Variants in RFC2 observed in about 807,000 individuals in gnomAD.
RFC2 encodes A1 40 kDa subunit.
RFC2 carries 34 observed loss-of-function variants against 44.8 expected under a neutral mutation model. The observed-to-expected ratio is 0.76, with a 90% confidence interval of 0.58 to 1.01. The LOEUF is 1.01. Among genes scored for constraint, RFC2 ranks in the 50% least tolerant of loss-of-function variants. The pLI is 0.00. For missense variants in RFC2, 400 were observed against 453.6 expected (o/e 0.88, Z 1.07); for synonymous variants, 177 against 168.9 (o/e 1.05, Z -0.37).
At chr7:74,248,750 C>T (rs1803765055) in intron 4 of RFC2, among the ~76,000 whole-genome samples, 2 of 152,084 alleles carry the variant, frequency 1.3e-5, no homozygotes, top group Admixed American at 1.3e-4. Context: ...GATCTACCTG[C>T]CTCGGCCTCC....
At chr7:74,246,878 G>GT in intron 4 of RFC2, 115 bp from the exon 5 acceptor site, 2 of 521,996 alleles carry the variant, frequency 3.8e-6, no homozygotes, top group Non-Finnish European at 3.4e-6. Context: ...CCATTTTTGA[G>GT]TTTTTTTGGG....
chr7:74,254,374 C>G lies in RFC2; in HGVS notation c.10G>C (p.Glu4Gln). 6.2e-7 allele frequency: 1 copy of G among 1,601,802 alleles called. No individual in the cohort carries two copies. The highest frequency in any genetic ancestry group is 8.5e-7 in the Non-Finnish European group (1 of 1,173,080). The change falls in exon 1 of 11, where the codon GAG becomes CAG. Residue 4 changes from glutamate to glutamine, a missense_variant. Transcript: ENST00000055077. ...TCGCCCGCGCCACCACAGACGGCCT[C>G]CACCTCCATTCTCGCGCCTCCTCTT... The part of the protein sequence containing the change: MEV[E>Q]AVCGGAGEVE...
intron 4 of RFC2, among the ~76,000 whole-genome samples, chr7:74,246,994 C>T (rs7783190): frequency 0.053 from 6,553 of 124,734 alleles, 493 homozygotes; most frequent in African/African-American, 0.18. Context: ...TTTTTTTCTT[C>T]AGACAGGGTC....
Position 74,246,692 on chromosome 7 carries a change from T to A in RFC2, c.404A>T (p.His135Leu), listed in dbSNP as rs1554720082. 6.2e-7 allele frequency: 1 copy of A among 1,611,836 alleles called. No homozygotes were observed. The highest frequency in any genetic ancestry group is 8.5e-7 in the Non-Finnish European group (1 of 1,178,596). Residue 135 changes from histidine (H) to leucine (L), a missense_variant, in exon 5 of 11, where the codon CAT (histidine) becomes CTT (leucine). By Grantham distance (99) the His-to-Leu change is moderately conservative. Coordinates refer to ENST00000055077, the MANE Select transcript of RFC2 (RefSeq NM_181471.3). The stretch of plus-strand genomic sequence containing the variant: ...TGCTTCATCCAGAATGATGATCTTA[T>A]GTCGGCCTTTGGGAAGAGTGACTTT... ...QQKVTLPKGR[H>L]KIIILDEADS... is the part of the protein sequence containing the mutation.
intron 3 of RFC2, among the ~76,000 whole-genome samples, chr7:74,249,496 G>A (rs1165278985): frequency 6.6e-6 from 1 of 151,962 alleles, no homozygotes; most frequent in African/African-American, 2.4e-5. Flanking sequence ...AGCAGAGATT[G>A]CACCACTGCA....
intron 4 of RFC2, among the ~76,000 whole-genome samples, chr7:74,247,588 C>T (rs1554720286): frequency 1.3e-5 from 2 of 152,062 alleles, no homozygotes; most frequent in African/African-American, 2.4e-5. Context: ...TATGGTGAGT[C>T]GAGATCGTGC....
intron 3 of RFC2, 122 bp downstream of exon 3, chr7:74,249,617 C>T: frequency 1.2e-6 from 1 of 801,904 alleles, no homozygotes; most frequent in South Asian, 1.4e-5. Flanking sequence ...TGAAACACTT[C>T]CCTTTGCCGG....
intron 4 of RFC2, among the ~76,000 whole-genome samples, chr7:74,248,382 C>T (rs2116330933): frequency 6.6e-6 from 1 of 151,838 alleles, no homozygotes; most frequent in African/African-American, 2.4e-5. Context: ...ATAGTCCTAG[C>T]AACTTAGCAG....
chr7:74,235,667 G>A, intron 9 of RFC2, 22 bp from the exon 10 acceptor site: 1 of 1,494,160 alleles, frequency 6.7e-7, no homozygotes, highest in Non-Finnish European at 9.3e-7. Flanking sequence ...AGACAGAAAA[G>A]GCTGCTTACC....
chr7:74,247,677 G>C (rs1403718713), intron 4 of RFC2, among the ~76,000 whole-genome samples: 1 of 152,068 alleles, frequency 6.6e-6, no homozygotes, highest in Non-Finnish European at 1.5e-5. Flanking sequence ...GAACAGAACA[G>C]TACAGAACTG....
chr7:74,238,052 C>T lies in RFC2; in HGVS notation c.760-610G>A, dbSNP rs1330654996. On this transcript the variant is annotated intron_variant, in intron 8 of 10. Coordinates refer to ENST00000055077, the MANE Select transcript of RFC2 (RefSeq NM_181471.3). The surrounding 1 kb of genome is among the most constrained non-coding windows in gnomAD (Gnocchi z 4.0). ...GCTCCAGAGGTCACCCACACCTGCC[C>T]TTGCCTTTTCCCGGTGGAAGCCATG... is the stretch of plus-strand genomic sequence containing the variant. Among the ~76,000 whole-genome samples, 3 of 152,116 alleles carry T rather than the reference C, an allele frequency of 2.0e-5. No individual in the cohort carries two copies. Among genetic ancestry groups the T allele is most frequent in the Admixed American group, 2.0e-4 (3 of 15,260 alleles).
chr7:74,235,679 C>G (rs1460295960), intron 9 of RFC2, 34 bp from the exon 10 acceptor site: 3 of 1,397,486 alleles, frequency 2.1e-6, no homozygotes, highest in Admixed American at 1.7e-5. Context: ...CTGCTTACCA[C>G]TTTAAACTGT....
At chr7:74,237,335 TG>T in intron 9 of RFC2, 26 bp downstream of exon 9, 1 of 1,565,848 alleles carries the variant, frequency 6.4e-7, no homozygotes, top group Non-Finnish European at 8.7e-7. Context: ...GCGGTTCCTC[TG>T]CCAGGACGGG....
At chr7:74,241,981 T>C (rs1584253124) in intron 6 of RFC2, among the ~76,000 whole-genome samples, 1 of 151,818 alleles carries the variant, frequency 6.6e-6, no homozygotes, top group Non-Finnish European at 1.5e-5. Flanking sequence ...AAGAGAAGGA[T>C]GTGAAACCAG....
chr7:74,241,214 A>G (rs1803313128), intron 6 of RFC2, among the ~76,000 whole-genome samples: 1 of 152,240 alleles, frequency 6.6e-6, no homozygotes, highest in Non-Finnish European at 1.5e-5. Context: ...TACAGGCATG[A>G]GCCACTGTGC....
At position 74,237,343 on chromosome 7, in the gene RFC2, CG is replaced by C. The variant is rs782237746; in HGVS notation, c.840+18del. The C allele has an allele frequency of 8.8e-6, 14 of 1,585,032 alleles. No individual in the cohort carries two copies. The highest frequency in any genetic ancestry group is 2.3e-5 in the South Asian group (2 of 88,086). ...GAAGTGAGCGGTTCCTCTGCCAGGACGGGGGGAAGGAGGCCAACCTTGTAGG... is the reference window on the plus strand; with the variant it reads ...GAAGTGAGCGGTTCCTCTGCCAGGACGGGGGAAGGAGGCCAACCTTGTAGG... On this transcript the variant is annotated intron_variant, in intron 9 of 10. Coordinates refer to ENST00000055077, the MANE Select transcript of RFC2 (RefSeq NM_181471.3).
At chr7:74,244,886 C>A (rs542419469) in intron 5 of RFC2, among the ~76,000 whole-genome samples, 1 of 151,740 alleles carries the variant, frequency 6.6e-6, no homozygotes, top group East Asian at 2.0e-4. Context: ...TCATTACAGC[C>A]GAGGAGTTCA....
chr7:74,232,002 G>C lies in RFC2; in HGVS notation c.*104C>G. 1 of 730,464 alleles carries C rather than the reference G, an allele frequency of 1.4e-6. No homozygotes were observed. Among genetic ancestry groups the C allele is most frequent in the South Asian group, 1.6e-5 (1 of 62,880 alleles). The allele number at this position is 730,464 out of a possible 1,614,324, so 45.2% of individuals were successfully genotyped here. On this transcript the variant is annotated 3_prime_UTR_variant, in exon 11 of 11. Transcript: ENST00000055077. ...GCCAGCCACTGGAGTTTAAAGGACA[G>C]TCATGTTGGCTCCAGCCTAAGGCGG...
At chr7:74,243,027 T>C in intron 6 of RFC2, 119 bp downstream of exon 6, 1 of 655,530 alleles carries the variant, frequency 1.5e-6, no homozygotes, top group Non-Finnish European at 2.7e-6. Flanking sequence ...GAGGCTGCAG[T>C]GAGCTGTGAT....
Sources: allele counts gnomAD v4.1 joint callset (sites outside exome capture counted in the v4.1 genomes callset), GRCh38; gene constraint gnomAD v4.1.1; non-coding constraint Gnocchi (gnomAD v3.1); transcripts MANE v1.5; gene names NCBI Gene and HGNC (gene_info 2026-07-23, HGNC 2026-07-21).